Variants in ACBD6 observed in about 807,000 individuals in gnomAD.
ACBD6 encodes acyl-CoA binding domain containing 6, also known as acyl-CoA-binding domain-containing protein 6.
Under a neutral mutation model 37.2 loss-of-function variants are expected in ACBD6, and 28 were observed. That is an observed-to-expected ratio of 0.75 (90% confidence interval 0.56 to 1.03). The LOEUF is 1.03. Among genes scored for constraint, ACBD6 ranks in the 50% least tolerant of loss-of-function variants. The pLI is 0.00. For synonymous variants in ACBD6, 113 were observed against 126.8 expected, an observed-to-expected ratio of 0.89 and a Z score of 0.73; for missense variants, 340 against 337.4, an observed-to-expected ratio of 1.01 and a Z score of -0.06.
chr1:180,299,931 AG>A (rs1331460949), intron 7 of ACBD6, among the ~76,000 whole-genome samples: 1 of 152,196 alleles, frequency 6.6e-6, no homozygotes, highest in African/African-American at 2.4e-5. Context: ...TAGGCACATA[AG>A]GGTTTTAGTA....
intron 6 of ACBD6, among the ~76,000 whole-genome samples, chr1:180,393,811 T>C (rs1450967087): frequency 1.3e-5 from 2 of 152,220 alleles, no homozygotes; most frequent in Admixed American, 6.5e-5. Context: ...AGCTGGTGGC[T>C]ACACACAATG....
At chr1:180,460,379 G>A (rs1020368671) in intron 3 of ACBD6, among the ~76,000 whole-genome samples, 16 of 151,674 alleles carry the variant, frequency 1.1e-4, no homozygotes, top group Non-Finnish European at 1.6e-4. Flanking sequence ...CCAACAGGTC[G>A]CAGAAACGGT....
At chr1:180,312,927 C>T (rs965844305) in intron 7 of ACBD6, among the ~76,000 whole-genome samples, 2 of 152,116 alleles carry the variant, frequency 1.3e-5, no homozygotes, top group African/African-American at 4.8e-5. Context: ...AGAATTTGAA[C>T]GCAGAAGTCT....
chr1:180,495,608 T>C (rs1651703197), intron 1 of ACBD6, 83 bp from the exon 2 acceptor site: 16 of 1,067,324 alleles, frequency 1.5e-5, no homozygotes, highest in Admixed American at 3.8e-5. Context: ...ATTATGTATA[T>C]TCAGTAACCA....
chr1:180,312,819 A>G (rs1376242502), intron 7 of ACBD6, among the ~76,000 whole-genome samples: 1 of 152,200 alleles, frequency 6.6e-6, no homozygotes, highest in Non-Finnish European at 1.5e-5. Context: ...AGATTAACTC[A>G]TTATAACAAA....
chr1:180,346,220 GAGAAACATAAAT>G (rs1452263175), intron 6 of ACBD6, among the ~76,000 whole-genome samples: 4 of 152,166 alleles, frequency 2.6e-5, no homozygotes, highest in Non-Finnish European at 4.4e-5. Flanking sequence ...GTAATCTTAG[GAGAAACATAAAT>G]AGAAGATTTA....
At chr1:180,443,500 T>C (rs984318384) in intron 3 of ACBD6, among the ~76,000 whole-genome samples, 3 of 152,138 alleles carry the variant, frequency 2.0e-5, no homozygotes, top group African/African-American at 7.2e-5. Flanking sequence ...GCCCCGCAAA[T>C]TCTAGTTCAA....
intron 3 of ACBD6, chr1:180,435,246 T>C (rs1052226104): frequency 5.2e-5 from 34 of 653,042 alleles, no homozygotes; most frequent in Middle Eastern, 2.8e-4. Context: ...GCTGGCCGGC[T>C]ACCAGATGCA....
chr1:180,441,862 G>A (rs1571516354), intron 3 of ACBD6, among the ~76,000 whole-genome samples: 1 of 152,124 alleles, frequency 6.6e-6, no homozygotes, highest in Non-Finnish European at 1.5e-5. Context: ...CAATTTGGAT[G>A]CTGTTTCTTT....
intron 6 of ACBD6, among the ~76,000 whole-genome samples, chr1:180,391,124 C>T (rs1214421878): frequency 1.3e-5 from 2 of 152,016 alleles, no homozygotes; most frequent in African/African-American, 4.8e-5. Flanking sequence ...ACTGGATATC[C>T]ATATGTAAAA....
At chr1:180,403,386 T>C (rs1163615283) in intron 5 of ACBD6, among the ~76,000 whole-genome samples, 1 of 152,222 alleles carries the variant, frequency 6.6e-6, no homozygotes, top group Non-Finnish European at 1.5e-5. Flanking sequence ...TAGTTAGTTA[T>C]ACGCATGTTA....
intron 6 of ACBD6, among the ~76,000 whole-genome samples, chr1:180,358,234 C>T (rs972229459): frequency 2.6e-5 from 4 of 152,188 alleles, no homozygotes; most frequent in Non-Finnish European, 5.9e-5. Flanking sequence ...CAAGACCAGC[C>T]TGATCAACAT....
intron 6 of ACBD6, among the ~76,000 whole-genome samples, chr1:180,362,592 C>T (rs1035763350): frequency 6.6e-6 from 1 of 152,168 alleles, no homozygotes; most frequent in African/African-American, 2.4e-5. Flanking sequence ...CTAATGCATT[C>T]ACTATTAATC....
At chr1:180,271,934 GGCA>G in exon 14 of ACBD6, 1 of 1,613,402 alleles carries the variant, frequency 6.2e-7, no homozygotes, top group South Asian at 1.1e-5. Flanking sequence ...GAGGAGCCGG[GGCA>G]GCAGCAAGCA....
intron 6 of ACBD6, among the ~76,000 whole-genome samples, chr1:180,324,865 T>G (rs1651198123): frequency 6.6e-6 from 1 of 152,186 alleles, no homozygotes; most frequent in Admixed American, 6.5e-5. Flanking sequence ...CAAGATACAC[T>G]GTTCTAGGGT....
chr1:180,411,118 G>A (rs988989459), intron 5 of ACBD6, among the ~76,000 whole-genome samples: 4 of 152,230 alleles, frequency 2.6e-5, no homozygotes, highest in African/African-American at 9.6e-5. Context: ...CTGAAGATGT[G>A]ATGGAATTGC....
At chr1:180,304,427 A>G (rs1004807374) in intron 7 of ACBD6, among the ~76,000 whole-genome samples, 10 of 150,970 alleles carry the variant, frequency 6.6e-5, no homozygotes, top group Admixed American at 1.3e-4. Context: ...TACAAAATCA[A>G]TGTGCAAAAA....
intron 4 of ACBD6, among the ~76,000 whole-genome samples, chr1:180,421,761 G>T (rs553288374): frequency 1.3e-5 from 2 of 152,098 alleles, no homozygotes; most frequent in South Asian, 2.1e-4. Flanking sequence ...TTTCTCCAAC[G>T]ATCAGTGATG....
intron 3 of ACBD6, among the ~76,000 whole-genome samples, chr1:180,476,814 G>C (rs750557919): frequency 2.0e-5 from 3 of 151,906 alleles, no homozygotes; most frequent in Non-Finnish European, 4.4e-5. Flanking sequence ...AACAGAGTGA[G>C]ACTCTGTCTC....
Sources: gnomAD v4.1 joint callset for allele counts (sites outside exome capture counted in the v4.1 genomes callset) on GRCh38, gnomAD v4.1.1 for gene constraint, MANE v1.5 for transcripts, NCBI Gene and HGNC (gene_info 2026-07-23, HGNC 2026-07-21) for gene names.